The following EFNB2 variants were observed in gnomAD, a reference collection of about 807,000 sequenced individuals.
The protein encoded by EFNB2 is ephrin B2.
EFNB2 carries 5 observed loss-of-function variants against 32.1 expected under a neutral mutation model. The ratio of observed to expected loss-of-function variants is 0.16; its 90% CI spans 0.08 to 0.33. The LOEUF (loss-of-function observed/expected upper bound fraction) is 0.33. Ranked by LOEUF, EFNB2 falls within the 10% of genes least tolerant of loss-of-function variation. EFNB2 has a pLI of 1.00. For missense variants in EFNB2, 263 were observed against 422.6 expected, an observed-to-expected ratio of 0.62 and a Z score of 3.31; for synonymous variants, 168 against 166.5, an observed-to-expected ratio of 1.01 and a Z score of -0.07.
chr13:106,522,598 C>T (rs1165068208), intron 1 of EFNB2, among the ~76,000 whole-genome samples: 1 of 152,210 alleles, frequency 6.6e-6, no homozygotes, highest in African/African-American at 2.4e-5. Context: ...GCTACAGTGA[C>T]AAGCATAACA....
Position 106,534,808 on chromosome 13 carries a change from G to A in EFNB2, c.122+35C>T, listed in dbSNP as rs73588119. Reference sequence around the variant, plus strand: ...GCCCGGACGGCGCGGCGGACCCCGGGGCGGGGACATAGGGGGATCGCGGAC... The same window carrying A: ...GCCCGGACGGCGCGGCGGACCCCGGAGCGGGGACATAGGGGGATCGCGGAC... On this transcript the variant is annotated intron_variant, in intron 1 of 4. Transcript: ENST00000646441. The A allele has an allele frequency of 7.5e-4, 1,194 of 1,590,968 alleles. 14 individuals are homozygous for A. The African/African-American group carries it at 0.014, about 18-fold the overall frequency.
At chr13:106,503,205 T>C (rs1878841482) in intron 2 of EFNB2, among the ~76,000 whole-genome samples, 1 of 152,104 alleles carries the variant, frequency 6.6e-6, no homozygotes. Context: ...TTAAAAGTTA[T>C]GACGATTTAT....
chr13:106,502,512 T>G (rs1646459197), intron 2 of EFNB2, among the ~76,000 whole-genome samples: 1 of 152,186 alleles, frequency 6.6e-6, no homozygotes, highest in Admixed American at 6.5e-5. Flanking sequence ...TAAAAGGTTT[T>G]GATGACATAT....
chr13:106,534,922 C>A lies in EFNB2; in HGVS notation c.43G>T (p.Val15Phe), dbSNP rs770705334. The A allele has an allele frequency of 1.9e-6, 3 of 1,613,804 alleles. No homozygotes were observed. Among genetic ancestry groups the A allele is most frequent in the Non-Finnish European group, 2.5e-6 (3 of 1,179,818 alleles). ...GCAGTTCTGCATAAAACCATCAAAA[C>A]ACCCCAGCAGTACTTCCACACGGAG... ...RDSVWKYCWG[V>F]LMVLCRTAIS... Residue 15 changes from valine (V) to phenylalanine (F), a missense_variant, in exon 1 of 5, where the codon GTT (valine) becomes TTT (phenylalanine). Val to Phe is a conservative substitution (Grantham distance 50). This residue lies in a region of EFNB2 where 46 missense variants were observed against 56.9 expected (regional missense o/e 0.81). Coordinates refer to ENST00000646441, the MANE Select transcript of EFNB2 (RefSeq NM_004093.4).
chr13:106,512,973 A>C lies in EFNB2; in HGVS notation c.123-161T>G, dbSNP rs1183430949. Among the ~76,000 whole-genome samples the C allele has an allele frequency of 5.9e-5, 9 of 152,326 alleles. 1 individual carries two copies. In the South Asian group the frequency reaches 1.7e-3, roughly 28 times the overall value. ...CTTACTTCAGATCAATATGGGATGAATGTATTTTGGAATTAAGCTTTAAAA... is the reference window on the plus strand; with the variant it reads ...CTTACTTCAGATCAATATGGGATGACTGTATTTTGGAATTAAGCTTTAAAA... On this transcript the variant is annotated intron_variant, in intron 1 of 4. Transcript: ENST00000646441.
chr13:106,492,994 A>T lies in EFNB2; in HGVS notation c.*46T>A, dbSNP rs1472113649. 5.1e-6 allele frequency: 8 copies of T among 1,557,484 alleles called. No homozygotes were observed. The highest frequency in any genetic ancestry group is 6.9e-6 in the Non-Finnish European group (8 of 1,151,376). On this transcript the variant is annotated 3_prime_UTR_variant, in exon 5 of 5. Transcript: ENST00000646441. The surrounding 1 kb of genome is among the most constrained non-coding windows in gnomAD (Gnocchi z 5.1). Reference sequence around the variant, plus strand: ...TCAAACCCTCAAGGGAGGCATCGGGACATTAGGTGTCCTCTGGGAAAGCAC... The same window carrying T: ...TCAAACCCTCAAGGGAGGCATCGGGTCATTAGGTGTCCTCTGGGAAAGCAC...
chr13:106,526,205 G>A (rs1202980136), intron 1 of EFNB2, among the ~76,000 whole-genome samples: 1 of 152,162 alleles, frequency 6.6e-6, no homozygotes, highest in Non-Finnish European at 1.5e-5. Flanking sequence ...ATCGTCTCAG[G>A]TCTCATCCAT....
chr13:106,532,079 C>CAAA (rs1404488142), intron 1 of EFNB2, among the ~76,000 whole-genome samples: 1,616 of 41,644 alleles, frequency 0.039, 43 homozygotes, highest in East Asian at 0.14. Context: ...AAAAAAAAAC[C>CAAA]AAAACTTTAA....
At chr13:106,534,799 G>A in intron 1 of EFNB2, 44 bp downstream of exon 1, 2 of 1,576,262 alleles carry the variant, frequency 1.3e-6, no homozygotes, top group Non-Finnish European at 1.7e-6. Context: ...ACGGCGCGGC[G>A]GACCCCGGGG....
intron 1 of EFNB2, among the ~76,000 whole-genome samples, chr13:106,532,478 T>A (rs1879909739): frequency 1.3e-5 from 2 of 152,176 alleles, no homozygotes; most frequent in South Asian, 4.1e-4. Context: ...CAAACTTTCC[T>A]CTGGAAATAA....
chr13:106,507,566 A>C lies in EFNB2; in HGVS notation c.406+4963T>G, dbSNP rs539321806. Reference sequence around the variant, plus strand: ...GTGATTTTGCTTAGAAGTGGAGTACATGTCTAAAAAATAGCAAAGCTGTTT... The same window carrying C: ...GTGATTTTGCTTAGAAGTGGAGTACCTGTCTAAAAAATAGCAAAGCTGTTT... On this transcript the variant is annotated intron_variant, in intron 2 of 4. Coordinates refer to ENST00000646441, the MANE Select transcript of EFNB2 (RefSeq NM_004093.4). Among the ~76,000 whole-genome samples the C allele has an allele frequency of 4.6e-5, 7 of 152,332 alleles. No homozygotes were observed. The South Asian group carries it at 1.4e-3, about 32-fold the overall frequency.
intron 2 of EFNB2, chr13:106,509,671 G>GTGTGTGTGTC (rs1879073309): frequency 7.0e-6 from 1 of 142,720 alleles, no homozygotes; most frequent in African/African-American, 2.6e-5. Context: ...GTGTGTGTGT[G>GTGTGTGTGTC]CATTTGTCTG....
chr13:106,493,511 G>A lies in EFNB2; in HGVS notation c.614-83C>T. The A allele has an allele frequency of 6.7e-7, 1 of 1,503,028 alleles. No homozygotes were observed. The highest frequency in any genetic ancestry group is 8.9e-7 in the Non-Finnish European group (1 of 1,128,100). 93.1% of individuals were successfully genotyped at this position (1,503,028 alleles called of 1,614,324 possible). On this transcript the variant is annotated intron_variant, in intron 4 of 4. Coordinates refer to ENST00000646441, the MANE Select transcript of EFNB2 (RefSeq NM_004093.4). The surrounding 1 kb of genome is among the most constrained non-coding windows in gnomAD (Gnocchi z 6.1). ...GACTGCTTTTATGACCCTTAAAAAT[G>A]TGAAAAATAAGCCAGGCTTATTACT...
At chr13:106,501,046 C>T (rs1878761516) in intron 2 of EFNB2, among the ~76,000 whole-genome samples, 1 of 152,144 alleles carries the variant, frequency 6.6e-6, no homozygotes, top group Admixed American at 6.5e-5. Flanking sequence ...TGTGAATATA[C>T]AACCTAGGAA....
At chr13:106,502,372 T>C (rs2138908624) in intron 2 of EFNB2, among the ~76,000 whole-genome samples, 1 of 152,360 alleles carries the variant, frequency 6.6e-6, no homozygotes, top group African/African-American at 2.4e-5. Flanking sequence ...GGTACAGTTT[T>C]ATTTCTTTAA....
At position 106,535,400 on chromosome 13, in the gene EFNB2, G is replaced by C. The variant is rs903265123; in HGVS notation, c.-436C>G. On this transcript the variant is annotated 5_prime_UTR_variant, in exon 1 of 5. Transcript: ENST00000646441. ...CCTGTGACTATAGATCCAGTGCAGC[G>C]GGCAGCGGCCCGAGCGCGCGGGCGC... 1 of 150,484 alleles carries C rather than the reference G, an allele frequency of 6.6e-6. No homozygotes were observed. Among genetic ancestry groups the C allele is most frequent in the African/African-American group, 2.4e-5 (1 of 41,164 alleles). The allele number at this position is 150,484 out of a possible 1,614,324, so 9.3% of individuals were successfully genotyped here.
chr13:106,498,321 C>T (rs1443030780), intron 2 of EFNB2, among the ~76,000 whole-genome samples: 1 of 152,188 alleles, frequency 6.6e-6, no homozygotes, highest in Non-Finnish European at 1.5e-5. Context: ...AGAGCAGTTA[C>T]TTGTAAATAG....
chr13:106,523,320 T>A (rs1209362221), intron 1 of EFNB2, among the ~76,000 whole-genome samples: 1 of 152,090 alleles, frequency 6.6e-6, no homozygotes, highest in African/African-American at 2.4e-5. Context: ...GAAACAGCGC[T>A]CCACTGTAAC....
Position 106,524,617 on chromosome 13 carries a change from A to G in EFNB2, c.122+10226T>C, listed in dbSNP as rs149800386. On this transcript the variant is annotated intron_variant, in intron 1 of 4. Transcript: ENST00000646441. Reference sequence around the variant, plus strand: ...GTCCACCAGTTAAGCAGTTTTCTAAATATCATGTAATATCAATGTAAAAAA... The same window carrying G: ...GTCCACCAGTTAAGCAGTTTTCTAAGTATCATGTAATATCAATGTAAAAAA... Among the ~76,000 whole-genome samples, 12 of 152,360 alleles carry G rather than the reference A, an allele frequency of 7.9e-5. No homozygotes were observed. The East Asian group carries it at 2.1e-3, about 27-fold the overall frequency.
Sources: gnomAD v4.1 joint callset for allele counts (sites outside exome capture counted in the v4.1 genomes callset) on GRCh38, gnomAD v4.1.1 for gene constraint, gnomAD v4.1.1 regional missense constraint, Gnocchi (gnomAD v3.1) non-coding constraint, MANE v1.5 for transcripts, NCBI Gene and HGNC (gene_info 2026-07-23, HGNC 2026-07-21) for gene names.